The following SEC31B variants were observed in gnomAD, a reference collection of about 807,000 sequenced individuals.
SEC31B encodes the protein protein transport protein Sec31B.
In SEC31B, 113 loss-of-function variants were observed where a neutral mutation model predicts 135.0. The ratio of observed to expected loss-of-function variants is 0.84; its 90% CI spans 0.72 to 0.98. The LOEUF (loss-of-function observed/expected upper bound fraction) is 0.98. SEC31B is among the 50% of genes least tolerant of loss of function. The pLI is 0.00. For synonymous variants in SEC31B, 508 were observed against 549.4 expected (o/e 0.92, Z 1.05); for missense variants, 1,296 against 1,421.1 (o/e 0.91, Z 1.42).
chr10:100,516,068 G>GTA, intron 3 of SEC31B, 28 bp downstream of exon 3: 1 of 1,613,408 alleles, frequency 6.2e-7, no homozygotes. Context: ...TATCTACCCT[G>GTA]TATACCCATC....
At chr10:100,505,320 A>C (rs768657439) in intron 10 of SEC31B, 41 bp downstream of exon 10, 14 of 1,604,518 alleles carry the variant, frequency 8.7e-6, no homozygotes, top group Non-Finnish European at 1.2e-5. Flanking sequence ...ACACACACAC[A>C]CACACAAACA....
chr10:100,499,517 A>G lies in SEC31B; in HGVS notation c.1485+7T>C. On this transcript the variant is annotated splice_region_variant and intron_variant, in intron 12 of 25. Transcript: ENST00000370345. ...AGTACATGTTTCTGATGTGAAAAGC[A>G]GCTTACCTTCTTCTGAAGCTCATCT... The G allele has an allele frequency of 6.3e-7, 1 of 1,599,576 alleles. No homozygotes were observed. The highest frequency in any genetic ancestry group is 2.2e-5 in the East Asian group (1 of 44,830).
At position 100,499,585 on chromosome 10, in the gene SEC31B, T is replaced by C. The variant is rs767230436; in HGVS notation, c.1424A>G (p.Gln475Arg). 2.0e-5 allele frequency: 32 copies of C among 1,609,816 alleles called. No homozygotes were observed. Among genetic ancestry groups the C allele is most frequent in the Non-Finnish European group, 2.6e-5 (31 of 1,178,292 alleles). ...LWQFLKVTLE[Q>R]DSRMKFLKLL... ...CTTTAGGAATTTCATTCTGGAGTCT[T>C]GCTCTAAGGTCACCTAAGAAACCAC... The change falls in exon 12 of 26, where the codon CAA becomes CGA. Residue 475 changes from glutamine to arginine, a missense_variant. Coordinates refer to ENST00000370345, the MANE Select transcript of SEC31B (RefSeq NM_015490.4).
chr10:100,510,551 C>T (rs1430083244), intron 3 of SEC31B, among the ~76,000 whole-genome samples: 1 of 152,236 alleles, frequency 6.6e-6, no homozygotes, highest in Non-Finnish European at 1.5e-5. Context: ...TCTCTCACTT[C>T]ATAGCTGCTA....
intron 2 of SEC31B, among the ~76,000 whole-genome samples, 194 bp from the exon 3 acceptor site, chr10:100,516,413 C>T (rs1258042859): frequency 6.6e-6 from 1 of 151,852 alleles, no homozygotes; most frequent in Non-Finnish European, 1.5e-5. Context: ...TTTGGGACGC[C>T]GAGGTGGGCA....
In SEC31B at chr10:100,499,178, T is replaced by C; in HGVS notation, c.1566A>G (p.Gln522=). 6.2e-7 allele frequency: 1 copy of C among 1,614,076 alleles called. No individual in the cohort carries two copies. The highest frequency in any genetic ancestry group is 8.5e-7 in the Non-Finnish European group (1 of 1,179,980). Residue 522 remains glutamine (Q), a synonymous_variant, in exon 13 of 26, where the codon CAA becomes CAG. Coordinates refer to ENST00000370345, the MANE Select transcript of SEC31B (RefSeq NM_015490.4). ...PKGNDLNSDR[Q]QAFCSQASKH... is the part of the protein sequence containing the mutation. ...ACCACACCTGGCTGCAGAAGGCCTGTTGTCTGTCACTGTTGAGGTCATTTC... is the reference window on the plus strand; with the variant it reads ...ACCACACCTGGCTGCAGAAGGCCTGCTGTCTGTCACTGTTGAGGTCATTTC...
At chr10:100,494,049 G>C (rs1288235048) in intron 19 of SEC31B, among the ~76,000 whole-genome samples, 1 of 151,930 alleles carries the variant, frequency 6.6e-6, no homozygotes, top group Non-Finnish European at 1.5e-5. Flanking sequence ...AAAGGAATTA[G>C]GGTGGGGATT....
In SEC31B at chr10:100,494,276, T is replaced by C. The variant is rs143769500; in HGVS notation, c.2472+1109A>G. Among the ~76,000 whole-genome samples, 3 of 152,320 alleles carry C rather than the reference T, an allele frequency of 2.0e-5. No homozygotes were observed. In the East Asian group the frequency reaches 5.8e-4, roughly 29 times the overall value. ...ACTATCAGCAATTCTGTCAGTTCTA[T>C]CTACTAAGTACTAAGTATTTCAAAT... On this transcript the variant is annotated intron_variant, in intron 19 of 25. Coordinates refer to ENST00000370345, the MANE Select transcript of SEC31B (RefSeq NM_015490.4).
rs189955640 is a variant in SEC31B, at chr10:100,496,431, C to T, written c.2137G>A (p.Asp713Asn). The T allele has an allele frequency of 4.2e-5, 68 of 1,614,042 alleles. No individual in the cohort carries two copies. The Middle Eastern group carries it at 8.3e-4, about 20-fold the overall frequency. ...AGAACCATCACCTTCTCCATCAGGTCCTGTAAGGGCAAGGATGAGGGTGGT... is the reference window on the plus strand; with the variant it reads ...AGAACCATCACCTTCTCCATCAGGTTCTGTAAGGGCAAGGATGAGGGTGGT... ...HQALSPMALQDLMEKVMVLNR... is the reference protein window; with the variant it reads ...HQALSPMALQNLMEKVMVLNR... Residue 713 changes from aspartate (D) to asparagine (N), a missense_variant and splice_region_variant, in exon 18 of 26, where the codon GAC (aspartate) becomes AAC (asparagine). Physicochemically the swap from Asp to Asn is conservative, Grantham distance 23. Transcript: ENST00000370345.
rs780762485 is a variant in SEC31B, at chr10:100,506,348, G to C, written c.855C>G (p.Ile285Met). The change falls in exon 8 of 26, where the codon ATC (isoleucine) becomes ATG (methionine). Residue 285 changes from isoleucine (I) to methionine (M), a missense_variant. Transcript: ENST00000370345. ...LLLTSAKDSQ[I>M]LCRNLGSSEV... The stretch of plus-strand genomic sequence containing the variant: ...CACTGCTCCCCAGGTTCCGGCACAA[G>C]ATCTGGCTGTCCTTAGCACTAGTGA... 32 of 1,614,018 alleles carry C rather than the reference G, an allele frequency of 2.0e-5. No individual in the cohort carries two copies. The highest frequency in any genetic ancestry group is 5.0e-5 in the Admixed American group (3 of 60,002).
At chr10:100,509,279 C>G in intron 4 of SEC31B, 37 bp downstream of exon 4, 1 of 1,595,844 alleles carries the variant, frequency 6.3e-7, no homozygotes, top group South Asian at 1.1e-5. Context: ...CTGTTGCTCC[C>G]TGGCTTGGCC....
intron 19 of SEC31B, 25 bp from the exon 20 acceptor site, chr10:100,490,908 T>C: frequency 7.2e-7 from 1 of 1,382,534 alleles, no homozygotes. Flanking sequence ...AAACATCAGC[T>C]CTTGGAAAGG....
chr10:100,497,509 C>CTCCTA, intron 16 of SEC31B, 158 bp downstream of exon 16: 1 of 1,510,804 alleles, frequency 6.6e-7, no homozygotes, highest in African/African-American at 1.4e-5. Flanking sequence ...GGGGCATGCA[C>CTCCTA]TGTGGTCCCT....
intron 24 of SEC31B, 45 bp downstream of exon 24, chr10:100,488,813 A>G (rs1448865495): frequency 2.0e-6 from 3 of 1,532,050 alleles, no homozygotes; most frequent in Non-Finnish European, 2.6e-6. Flanking sequence ...TCCTGGAGCC[A>G]GCGAGGGGTG....
At position 100,516,095 on chromosome 10, in the gene SEC31B, C is replaced by A; in HGVS notation, c.203+1G>T. The A allele has an allele frequency of 1.2e-6, 2 of 1,614,086 alleles. No individual in the cohort carries two copies. The highest frequency in any genetic ancestry group is 1.7e-6 in the Non-Finnish European group (2 of 1,179,982). The stretch of plus-strand genomic sequence containing the variant: ...ATACCCATCAATAGATCAGACAATA[C>A]CTGCTCAAGGCAGAAAGGACTCCTC... On this transcript the variant is annotated splice_donor_variant, in intron 3 of 25. Coordinates refer to ENST00000370345, the MANE Select transcript of SEC31B (RefSeq NM_015490.4). LOFTEE classifies it high-confidence loss of function.
At chr10:100,514,972 C>T (rs1359875044) in intron 3 of SEC31B, among the ~76,000 whole-genome samples, 1 of 140,316 alleles carries the variant, frequency 7.1e-6, no homozygotes, top group African/African-American at 2.8e-5. Context: ...GAGAGTGAGA[C>T]TCCATCTCAA....
intron 10 of SEC31B, among the ~76,000 whole-genome samples, chr10:100,503,519 C>T (rs796952515): frequency 1.4e-4 from 22 of 151,848 alleles, no homozygotes; most frequent in African/African-American, 4.1e-4. Context: ...CCGTAACCTC[C>T]GCCTCCCAGG....
At chr10:100,510,032 A>C (rs1851710743) in intron 3 of SEC31B, among the ~76,000 whole-genome samples, 1 of 152,236 alleles carries the variant, frequency 6.6e-6, no homozygotes, top group Non-Finnish European at 1.5e-5. Flanking sequence ...AGAAGTTATA[A>C]AATTTCTATA....
chr10:100,509,696 A>G (rs1473555046), intron 3 of SEC31B, among the ~76,000 whole-genome samples, 185 bp from the exon 4 acceptor site: 1 of 152,152 alleles, frequency 6.6e-6, no homozygotes, highest in East Asian at 1.9e-4. Context: ...TTCTCTGAAA[A>G]AATGTTTCAT....
Sources: allele counts gnomAD v4.1 joint callset (sites outside exome capture counted in the v4.1 genomes callset), GRCh38; gene constraint gnomAD v4.1.1; transcripts MANE v1.5; gene names NCBI Gene and HGNC (gene_info 2026-07-23, HGNC 2026-07-21).